AUH: variants seen among roughly 807,000 people sequenced by gnomAD.
AUH encodes AU RNA binding methylglutaconyl-CoA hydratase, also known as methylglutaconyl-CoA hydratase, mitochondrial.
A neutral mutation model predicts 42.3 loss-of-function variants in AUH; 29 were observed. The observed-to-expected ratio is 0.69, with a 90% CI of 0.51 to 0.93. The LOEUF is 0.93. Among genes scored for constraint, AUH ranks in the 40% least tolerant of loss-of-function variants. The probability of loss-of-function intolerance (pLI) is 0.00; values close to 1 mark genes in which losing one functional copy is unlikely to be tolerated. For missense variants in AUH, 452 were observed against 438.1 expected (o/e 1.03, Z -0.28); for synonymous variants, 174 against 166.4 (o/e 1.05, Z -0.35).
intron 3 of AUH, among the ~76,000 whole-genome samples, chr9:91,340,233 C>G (rs1338043800): frequency 1.3e-5 from 2 of 152,142 alleles, no homozygotes; most frequent in African/African-American, 2.4e-5. Flanking sequence ...GCAGCAAAAC[C>G]ACACTGAATA....
chr9:91,218,541 C>G, intron 7 of AUH: 1 of 875,368 alleles, frequency 1.1e-6, no homozygotes, highest in Non-Finnish European at 1.4e-6. Flanking sequence ...AGATTCTGCA[C>G]GTCTAACAAG....
intron 4 of AUH, among the ~76,000 whole-genome samples, chr9:91,300,576 G>A (rs1827705546): frequency 6.6e-6 from 1 of 152,136 alleles, no homozygotes; most frequent in African/African-American, 2.4e-5. Flanking sequence ...TACCTTTCCT[G>A]TAGGGTAATC....
intron 6 of AUH, among the ~76,000 whole-genome samples, chr9:91,277,855 T>C (rs570674591): frequency 6.6e-6 from 1 of 152,298 alleles, no homozygotes; most frequent in East Asian, 1.9e-4. Context: ...TTAAAAAAGG[T>C]AGCAATATTA....
intron 6 of AUH, among the ~76,000 whole-genome samples, chr9:91,283,415 C>T (rs1304749202): frequency 2.6e-5 from 4 of 151,952 alleles, no homozygotes; most frequent in South Asian, 2.1e-4. Flanking sequence ...ACAGGGATGC[C>T]CTCTCTCACC....
At position 91,360,013 on chromosome 9, in the gene AUH, GAAAAA is replaced by G. The variant is rs1044119659; in HGVS notation, c.262+1610_262+1614del. Among the ~76,000 whole-genome samples the G allele has an allele frequency of 6.1e-5, 7 of 115,416 alleles. No homozygotes were observed. In the Admixed American group the frequency reaches 6.1e-4, roughly 10 times the overall value. The allele number at this position is 115,416 out of a possible 152,430, so 75.7% of individuals were successfully genotyped here. ...ATCTCATCAGGAAATCAAGGCTAAAGAAAAAAAAAAAAAGAAACCATGATACCCAA... is the reference window on the plus strand; with the variant it reads ...ATCTCATCAGGAAATCAAGGCTAAAGAAAAAAAAGAAACCATGATACCCAA... On this transcript the variant is annotated intron_variant, in intron 1 of 9. Transcript: ENST00000375731.
At chr9:91,332,940 G>A (rs1014771001) in intron 3 of AUH, among the ~76,000 whole-genome samples, 1 of 151,762 alleles carries the variant, frequency 6.6e-6, no homozygotes, top group Non-Finnish European at 1.5e-5. Flanking sequence ...GAACCACTCT[G>A]CGGTTCTCGC....
chr9:91,276,157 G>A (rs984035626), intron 6 of AUH, among the ~76,000 whole-genome samples: 8 of 152,190 alleles, frequency 5.3e-5, no homozygotes, highest in Admixed American at 4.6e-4. Flanking sequence ...GGTCGAGCGC[G>A]GTGGCTCATG....
At chr9:91,292,379 A>C (rs1826975824) in intron 6 of AUH, among the ~76,000 whole-genome samples, 1 of 151,462 alleles carries the variant, frequency 6.6e-6, no homozygotes, top group Non-Finnish European at 1.5e-5. Context: ...TCTGGGTTCA[A>C]GCAATTCTCC....
At chr9:91,276,553 G>A (rs939104134) in intron 6 of AUH, among the ~76,000 whole-genome samples, 7 of 151,856 alleles carry the variant, frequency 4.6e-5, no homozygotes, top group African/African-American at 1.5e-4. Flanking sequence ...AATAACAAAC[G>A]AGAACAAAAC....
intron 6 of AUH, among the ~76,000 whole-genome samples, chr9:91,251,567 T>G (rs1373880911): frequency 6.6e-6 from 1 of 152,166 alleles, no homozygotes; most frequent in Admixed American, 6.5e-5. Context: ...AGCTGTGGTT[T>G]CCATTGATAT....
In AUH at chr9:91,323,741, A is replaced by AG. The variant is rs759301341; in HGVS notation, c.505+1576dup. Among the ~76,000 whole-genome samples, 31 of 152,230 alleles carry AG rather than the reference A, an allele frequency of 2.0e-4. No individual in the cohort carries two copies. In the East Asian group the frequency reaches 3.1e-3, roughly 15 times the overall value. On this transcript the variant is annotated intron_variant, in intron 4 of 9. Coordinates refer to ENST00000375731, the MANE Select transcript of AUH (RefSeq NM_001698.3). Reference sequence around the variant, plus strand: ...TATAAAATAGCTAGGAATATATTTGAGGGGGAAAAAAAGATATAAGACCAA... The same window carrying AG: ...TATAAAATAGCTAGGAATATATTTGAGGGGGGAAAAAAAGATATAAGACCAA...
intron 3 of AUH, among the ~76,000 whole-genome samples, chr9:91,349,425 C>A (rs1420162975): frequency 6.6e-6 from 1 of 152,110 alleles, no homozygotes; most frequent in Non-Finnish European, 1.5e-5. Flanking sequence ...AATTTCATTT[C>A]AAAAATGTTC....
intron 4 of AUH, among the ~76,000 whole-genome samples, chr9:91,322,319 A>T (rs1829644856): frequency 6.6e-6 from 1 of 152,174 alleles, no homozygotes; most frequent in East Asian, 1.9e-4. Context: ...CCCCTTGCAT[A>T]TATATAAACT....
At chr9:91,343,341 G>A (rs1333203553) in intron 3 of AUH, 2 of 151,740 alleles carry the variant, frequency 1.3e-5, no homozygotes, top group Admixed American at 6.6e-5. Context: ...AAATAATGAA[G>A]AAATCAATGA....
chr9:91,263,470 T>C (rs1053893860), intron 6 of AUH, among the ~76,000 whole-genome samples: 2 of 152,260 alleles, frequency 1.3e-5, no homozygotes, highest in African/African-American at 2.4e-5. Flanking sequence ...AAAGTTTTCA[T>C]ATTATTTTAT....
chr9:91,288,166 T>C (rs1422363866), intron 6 of AUH, among the ~76,000 whole-genome samples: 8 of 151,982 alleles, frequency 5.3e-5, no homozygotes, highest in African/African-American at 1.9e-4. Context: ...ATAATAAGGT[T>C]TCCTGACACA....
chr9:91,287,614 T>G (rs1273144284), intron 6 of AUH, among the ~76,000 whole-genome samples: 1 of 152,096 alleles, frequency 6.6e-6, no homozygotes, highest in South Asian at 2.1e-4. Flanking sequence ...CTGAAATTAC[T>G]GCAACATGAA....
At chr9:91,229,811 A>C (rs1170274330) in intron 6 of AUH, among the ~76,000 whole-genome samples, 1 of 149,234 alleles carries the variant, frequency 6.7e-6, no homozygotes, top group African/African-American at 2.4e-5. Context: ...TCCTTCACTT[A>C]TGAAGCTTAG....
chr9:91,222,208 C>A (rs1029981397), intron 6 of AUH, among the ~76,000 whole-genome samples: 5 of 151,260 alleles, frequency 3.3e-5, no homozygotes, highest in African/African-American at 1.2e-4. Flanking sequence ...AAAGCAAAAT[C>A]ATTTTTTGTT....
Sources: gnomAD v4.1 joint callset for allele counts (sites outside exome capture counted in the v4.1 genomes callset) on GRCh38, gnomAD v4.1.1 for gene constraint, MANE v1.5 for transcripts, NCBI Gene and HGNC (gene_info 2026-07-23, HGNC 2026-07-21) for gene names.